FOXP2: variants seen among roughly 807,000 people sequenced by gnomAD.
FOXP2 encodes forkhead box protein P2.
Under a neutral mutation model 115.8 loss-of-function variants are expected in FOXP2, and 12 were observed. That is an observed-to-expected ratio of 0.10 (90% CI 0.07 to 0.17). FOXP2 has a LOEUF of 0.17. FOXP2 is among the 10% of genes least tolerant of loss of function. The pLI is 1.00. For synonymous variants in FOXP2, 328 were observed against 297.7 expected (o/e 1.10, Z -1.05); for missense variants, 629 against 843.5 (o/e 0.75, Z 3.15).
At chr7:114,558,999 A>C (rs183324201) in intron 3 of FOXP2, among the ~76,000 whole-genome samples, 2 of 151,076 alleles carry the variant, frequency 1.3e-5, no homozygotes, top group Admixed American at 6.6e-5. Flanking sequence ...TTTTTCTTTC[A>C]CTCTCCAAAT....
intron 1 of FOXP2, among the ~76,000 whole-genome samples, chr7:114,175,971 G>A (rs1793278572): frequency 6.6e-6 from 1 of 151,996 alleles, no homozygotes; most frequent in Non-Finnish European, 1.5e-5. Flanking sequence ...AGTAAATGTT[G>A]TGTCTTCTGA....
chr7:114,129,816 G>T (rs1195581926), intron 1 of FOXP2, among the ~76,000 whole-genome samples: 1 of 152,174 alleles, frequency 6.6e-6, no homozygotes, highest in East Asian at 1.9e-4. Flanking sequence ...GAAACTACCT[G>T]ATTCACATAC....
chr7:114,471,869 A>G (rs1422097763), intron 2 of FOXP2, among the ~76,000 whole-genome samples: 1 of 151,388 alleles, frequency 6.6e-6, no homozygotes, highest in Non-Finnish European at 1.5e-5. Flanking sequence ...CTGAGGCAGG[A>G]GAATTGCTTG....
Position 114,485,508 on chromosome 7 carries a change from T to A in FOXP2, c.169-49109T>A, listed in dbSNP as rs377159195. 3.7e-5 allele frequency among the ~76,000 whole-genome samples: 5 copies of A among 133,960 alleles called. No homozygotes were observed. In the East Asian group the frequency reaches 8.6e-4, roughly 23 times the overall value. 87.9% of individuals were successfully genotyped at this position (133,960 alleles called of 152,430 possible). A position where few individuals can be genotyped will look rare whatever the true frequency, so the allele number is the denominator to read the frequency against. ...TTTAAGCAAACATATAATCTGAATA[T>A]TTAGGTGAGGTATTTCAGGGTAAAT... On this transcript the variant is annotated intron_variant, in intron 2 of 16. Transcript: ENST00000350908.
chr7:114,224,781 G>A (rs1410133638), intron 1 of FOXP2, among the ~76,000 whole-genome samples: 1 of 152,098 alleles, frequency 6.6e-6, no homozygotes, highest in African/African-American at 2.4e-5. Flanking sequence ...AACCTCCGTA[G>A]TAGGTGGGAT....
intron 3 of FOXP2, among the ~76,000 whole-genome samples, chr7:114,624,492 A>C (rs1804422898): frequency 6.6e-6 from 1 of 151,896 alleles, no homozygotes; most frequent in Non-Finnish European, 1.5e-5. Flanking sequence ...ACACTATACT[A>C]AGAACCTTTC....
intron 1 of FOXP2, among the ~76,000 whole-genome samples, chr7:114,117,898 G>C (rs1791452506): frequency 6.6e-6 from 1 of 152,138 alleles, no homozygotes; most frequent in Non-Finnish European, 1.5e-5. Context: ...ATGGCGAAGA[G>C]TAGAGCACAG....
At chr7:114,250,673 G>A (rs1795417305) in intron 1 of FOXP2, among the ~76,000 whole-genome samples, 1 of 152,120 alleles carries the variant, frequency 6.6e-6, no homozygotes. Context: ...ATTTGTTTGA[G>A]TTTTTTGTAG....
chr7:114,396,747 T>C (rs1158332358), intron 2 of FOXP2, among the ~76,000 whole-genome samples: 2 of 151,934 alleles, frequency 1.3e-5, no homozygotes, highest in African/African-American at 4.8e-5. Flanking sequence ...AGGCATAAGT[T>C]TGAGAGCTCT....
At chr7:114,444,656 G>A (rs976345970) in intron 2 of FOXP2, among the ~76,000 whole-genome samples, 4 of 152,210 alleles carry the variant, frequency 2.6e-5, no homozygotes, top group African/African-American at 9.6e-5. Context: ...GCATGTATAA[G>A]TCCTAGACTG....
At chr7:114,176,910 A>T (rs955659019) in intron 1 of FOXP2, among the ~76,000 whole-genome samples, 1 of 152,118 alleles carries the variant, frequency 6.6e-6, no homozygotes, top group Non-Finnish European at 1.5e-5. Context: ...AACATGGATT[A>T]GTATTGTCTA....
intron 3 of FOXP2, among the ~76,000 whole-genome samples, chr7:114,598,469 G>A (rs1377888513): frequency 1.3e-5 from 2 of 152,094 alleles, no homozygotes; most frequent in Non-Finnish European, 1.5e-5. Flanking sequence ...GTAGAGTGGA[G>A]GGAGTTGAAG....
chr7:114,388,010 A>G (rs1195326823), intron 2 of FOXP2, among the ~76,000 whole-genome samples: 1 of 152,146 alleles, frequency 6.6e-6, no homozygotes, highest in Non-Finnish European at 1.5e-5. Flanking sequence ...TCCCAATATT[A>G]TATCCTCATA....
chr7:114,456,503 C>T (rs1471240975), intron 2 of FOXP2, among the ~76,000 whole-genome samples: 3 of 152,044 alleles, frequency 2.0e-5, no homozygotes, highest in Non-Finnish European at 4.4e-5. Context: ...TATTTGTCCC[C>T]AAGAATTATG....
At position 114,092,017 on chromosome 7, in the gene FOXP2, T is replaced by C. The variant is rs539741018; in HGVS notation, c.-247+4179T>C. On this transcript the variant is annotated intron_variant, in intron 1 of 19. Coordinates refer to the FOXP2 transcript ENST00000635638. ...ATAAGTATAATATGTTATACAGAACTGATTCTTCATTTTTTTTCTGCTGTG... is the reference window on the plus strand; with the variant it reads ...ATAAGTATAATATGTTATACAGAACCGATTCTTCATTTTTTTTCTGCTGTG... 3.2e-4 allele frequency among the ~76,000 whole-genome samples: 48 copies of C among 152,154 alleles called. 1 individual carries two copies. Among genetic ancestry groups the C allele is most frequent in the African/African-American group, 1.2e-3 (48 of 41,574 alleles).
chr7:114,452,009 T>C (rs1278471279), intron 2 of FOXP2, among the ~76,000 whole-genome samples: 1 of 152,000 alleles, frequency 6.6e-6, no homozygotes, highest in African/African-American at 2.4e-5. Context: ...CCTTAAACTT[T>C]CTTATTTTTC....
At chr7:114,672,363 T>A (rs1218351077) in intron 16 of FOXP2, among the ~76,000 whole-genome samples, 1 of 152,160 alleles carries the variant, frequency 6.6e-6, no homozygotes, top group Admixed American at 6.6e-5. Context: ...GGTGGGCAGA[T>A]CACCTGAGGT....
chr7:114,634,420 A>T (rs1175259600), intron 6 of FOXP2, among the ~76,000 whole-genome samples: 1 of 152,074 alleles, frequency 6.6e-6, no homozygotes, highest in African/African-American at 2.4e-5. Flanking sequence ...TAATAAAATT[A>T]TAAGAATTTT....
chr7:114,518,112 T>C (rs1798433108), intron 2 of FOXP2, among the ~76,000 whole-genome samples: 1 of 152,174 alleles, frequency 6.6e-6, no homozygotes, highest in African/African-American at 2.4e-5. Flanking sequence ...AAATTGATTT[T>C]GTAAACATCC....
Sources: allele counts gnomAD v4.1 joint callset (sites outside exome capture counted in the v4.1 genomes callset), GRCh38; gene constraint gnomAD v4.1.1; transcripts MANE v1.5; gene names NCBI Gene and HGNC (gene_info 2026-07-23, HGNC 2026-07-21).